Variants in OPCML observed in about 807,000 individuals in gnomAD.
The protein encoded by OPCML is opioid binding protein/cell adhesion molecule like, also known as opioid-binding protein/cell adhesion molecule.
Under a neutral mutation model 37.8 loss-of-function variants are expected in OPCML, and 13 were observed. The ratio of observed to expected loss-of-function variants is 0.34; its 90% CI spans 0.22 to 0.55. The LOEUF (loss-of-function observed/expected upper bound fraction) is 0.55. Ranked by LOEUF, OPCML falls within the 20% of genes least tolerant of loss-of-function variation. The pLI, the probability that OPCML is intolerant of heterozygous loss-of-function variation, is 0.91. For synonymous variants in OPCML, 176 were observed against 168.8 expected (o/e 1.04, Z -0.33); for missense variants, 341 against 435.6 (o/e 0.78, Z 1.93).
chr11:132,808,916 A>G (rs1198964278), intron 2 of OPCML, among the ~76,000 whole-genome samples: 1 of 152,084 alleles, frequency 6.6e-6, no homozygotes, highest in Non-Finnish European at 1.5e-5. Flanking sequence ...AGATACAAAC[A>G]TAATTCAGAC....
At chr11:132,663,328 G>A (rs1051013830) in intron 2 of OPCML, among the ~76,000 whole-genome samples, 3 of 152,176 alleles carry the variant, frequency 2.0e-5, no homozygotes, top group Non-Finnish European at 4.4e-5. Context: ...CCCACATAAG[G>A]AGACTTATAT....
intron 1 of OPCML, among the ~76,000 whole-genome samples, chr11:133,071,724 C>A (rs1055455593): frequency 1.3e-5 from 2 of 152,238 alleles, no homozygotes; most frequent in East Asian, 3.9e-4. Flanking sequence ...GAGTTTTAGG[C>A]CCTTTTATAG....
chr11:133,217,666 A>T (rs1200595119), intron 1 of OPCML, among the ~76,000 whole-genome samples: 1 of 152,074 alleles, frequency 6.6e-6, no homozygotes, highest in East Asian at 1.9e-4. Flanking sequence ...AAGATGGGGG[A>T]CAAACTGCAC....
chr11:132,629,320 G>C (rs1939947692), intron 3 of OPCML, among the ~76,000 whole-genome samples: 1 of 152,148 alleles, frequency 6.6e-6, no homozygotes, highest in Non-Finnish European at 1.5e-5. Flanking sequence ...ACAACTTACT[G>C]AGTACAGTAG....
chr11:132,651,433 C>CT (rs1444433370), intron 3 of OPCML, among the ~76,000 whole-genome samples: 1 of 152,148 alleles, frequency 6.6e-6, no homozygotes, highest in Admixed American at 6.5e-5. Flanking sequence ...ATTTTGATAA[C>CT]TTTTTTTCTC....
At chr11:132,946,971 AT>A (rs1297268227) in intron 1 of OPCML, among the ~76,000 whole-genome samples, 2 of 152,030 alleles carry the variant, frequency 1.3e-5, no homozygotes, top group Non-Finnish European at 2.9e-5. Flanking sequence ...CGGGCTTATG[AT>A]TTTCTTCAGT....
At chr11:133,452,280 G>T (rs1037257743) in intron 1 of OPCML, among the ~76,000 whole-genome samples, 1 of 148,192 alleles carries the variant, frequency 6.7e-6, no homozygotes, top group Non-Finnish European at 1.5e-5. Flanking sequence ...TCTCAACAGA[G>T]AAACTTTAAA....
intron 3 of OPCML, among the ~76,000 whole-genome samples, chr11:132,532,474 A>G (rs1240723230): frequency 6.6e-6 from 1 of 152,214 alleles, no homozygotes; most frequent in Non-Finnish European, 1.5e-5. Flanking sequence ...AGATCCTTAC[A>G]AATGGTGAGA....
intron 1 of OPCML, among the ~76,000 whole-genome samples, chr11:133,392,247 A>G (rs1258798517): frequency 2.0e-5 from 3 of 152,168 alleles, no homozygotes; most frequent in African/African-American, 7.2e-5. Flanking sequence ...CTGAGGATTG[A>G]CTAGGTTAAG....
chr11:133,145,847 A>G (rs1241616746), intron 1 of OPCML, among the ~76,000 whole-genome samples: 1 of 152,198 alleles, frequency 6.6e-6, no homozygotes, highest in Non-Finnish European at 1.5e-5. Context: ...AGGAAGGAGC[A>G]AACAAAAGAT....
At position 133,035,492 on chromosome 11, in the gene OPCML, G is replaced by A. The variant is rs143375242; in HGVS notation, c.62-92482C>T. On this transcript the variant is annotated intron_variant, in intron 1 of 7. Coordinates refer to ENST00000524381, the MANE Select transcript of OPCML (RefSeq NM_001012393.5). ...TAGTGGTAAGGAGTCAGGAAATTGA[G>A]CCAGAACAGATCTAGACTAAAGTAT... Among the ~76,000 whole-genome samples the A allele has an allele frequency of 4.7e-3, 711 of 152,290 alleles. 4 individuals carry two copies. Among genetic ancestry groups the A allele is most frequent in the Non-Finnish European group, 7.8e-3 (531 of 68,022 alleles).
chr11:132,552,761 C>CCCTTTTTTTT (rs1337627753), intron 3 of OPCML, among the ~76,000 whole-genome samples: 2 of 67,474 alleles, frequency 3.0e-5, no homozygotes, highest in African/African-American at 2.2e-4. Context: ...TTAAACACTA[C>CCCTTTTTTTT]TCTTTTTTTT....
chr11:132,848,404 C>T (rs971191199), intron 2 of OPCML, among the ~76,000 whole-genome samples: 1 of 152,198 alleles, frequency 6.6e-6, no homozygotes, highest in Non-Finnish European at 1.5e-5. Context: ...GGAAAATAGT[C>T]AAGTCAACCT....
chr11:132,571,022 A>T (rs2096437185), intron 3 of OPCML, among the ~76,000 whole-genome samples: 1 of 151,832 alleles, frequency 6.6e-6, no homozygotes, highest in Admixed American at 6.6e-5. Flanking sequence ...CACATCTTCA[A>T]TGTGGGTGGG....
chr11:132,602,993 A>C (rs1444857447), intron 3 of OPCML, among the ~76,000 whole-genome samples: 1 of 152,176 alleles, frequency 6.6e-6, no homozygotes, highest in African/African-American at 2.4e-5. Context: ...GCTCTGCTTG[A>C]GATCAGTGTC....
At chr11:133,175,847 C>A (rs1442568382) in intron 1 of OPCML, among the ~76,000 whole-genome samples, 2 of 151,962 alleles carry the variant, frequency 1.3e-5, no homozygotes, top group Non-Finnish European at 2.9e-5. Context: ...ACGGATGAGA[C>A]CTGTATGTTG....
intron 4 of OPCML, among the ~76,000 whole-genome samples, chr11:132,440,479 C>A (rs1004213574): frequency 2.6e-5 from 4 of 152,146 alleles, no homozygotes; most frequent in African/African-American, 9.7e-5. Flanking sequence ...ATGCACTGTG[C>A]CGCGCTGTTC....
intron 4 of OPCML, among the ~76,000 whole-genome samples, chr11:132,478,261 T>C (rs76766421): frequency 2.2e-3 from 340 of 152,332 alleles, no homozygotes; most frequent in African/African-American, 7.7e-3. Flanking sequence ...AAATCTCAAT[T>C]TTTCAAGCTT....
rs1455050070 is a variant in OPCML at position 132,943,929 on chromosome 11, C to T, written c.62-919G>A. Reference sequence around the variant, plus strand: ...AGCCCCGACGCGCGCGGGCCCGGACCGCCGGGGTTGTCATGGCAGCAGCTC... The same window carrying T: ...AGCCCCGACGCGCGCGGGCCCGGACTGCCGGGGTTGTCATGGCAGCAGCTC... On this transcript the variant is annotated intron_variant, in intron 1 of 7. Transcript: ENST00000524381. This position sits in a 1 kb window ranked among gnomAD's most constrained non-coding sequence, Gnocchi z 4.3. Among the ~76,000 whole-genome samples the T allele has an allele frequency of 6.6e-6, 1 of 151,804 alleles. No homozygotes were observed. Among genetic ancestry groups the T allele is most frequent in the Admixed American group, 6.6e-5 (1 of 15,240 alleles).
Sources: allele counts gnomAD v4.1 joint callset (sites outside exome capture counted in the v4.1 genomes callset), GRCh38; gene constraint gnomAD v4.1.1; non-coding constraint Gnocchi (gnomAD v3.1); transcripts MANE v1.5; gene names NCBI Gene and HGNC (gene_info 2026-07-23, HGNC 2026-07-21).